The following PTDSS2 variants were observed in gnomAD, a reference collection of about 807,000 sequenced individuals.
PTDSS2 encodes phosphatidylserine synthase 2.
Under a neutral mutation model 64.7 loss-of-function variants are expected in PTDSS2, and 41 were observed. That is an observed-to-expected ratio of 0.63 (90% CI 0.49 to 0.82). PTDSS2 has a LOEUF of 0.82. Ranked by LOEUF, PTDSS2 falls within the 40% of genes least tolerant of loss-of-function variation. The pLI is 0.00. For missense variants in PTDSS2, 485 were observed against 650.0 expected, an observed-to-expected ratio of 0.75 and a Z score of 2.76; for synonymous variants, 297 against 277.8, an observed-to-expected ratio of 1.07 and a Z score of -0.69.
rs149316958 is a variant in PTDSS2, at chr11:490,811, C to CGTGTGTGTACGCGTGTGTACGT, written c.*230_*231insTGTGTGTACGCGTGTGTACGTG. ...ATGCGTGTGTGTACGCGTGTGTACGCGCGTGTGTACACATGCGTGGCCGCC... is the reference window on the plus strand; with the variant it reads ...ATGCGTGTGTGTACGCGTGTGTACGCGTGTGTGTACGCGTGTGTACGTGCGTGTGTACACATGCGTGGCCGCC... On this transcript the variant is annotated 3_prime_UTR_variant, in exon 12 of 12. Coordinates refer to ENST00000308020, the MANE Select transcript of PTDSS2 (RefSeq NM_030783.3). 2,237 of 582,090 alleles carry CGTGTGTGTACGCGTGTGTACGT rather than the reference C, an allele frequency of 3.8e-3. 67 individuals are homozygous for CGTGTGTGTACGCGTGTGTACGT. Among genetic ancestry groups the CGTGTGTGTACGCGTGTGTACGT allele is most frequent in the African/African-American group, 0.038 (2,038 of 53,514 alleles). The allele number at this position is 582,090 out of a possible 1,614,324, so 36.1% of individuals were successfully genotyped here.
chr11:460,497 C>T lies in PTDSS2; in HGVS notation c.284+209C>T. 1.8e-6 allele frequency: 1 copy of T among 549,740 alleles called. No individual in the cohort carries two copies. The highest frequency in any genetic ancestry group is 3.0e-5 in the East Asian group (1 of 33,376). The allele number at this position is 549,740 out of a possible 1,614,324, so 34.1% of individuals were successfully genotyped here. A position where few individuals can be genotyped will look rare whatever the true frequency, so the allele number is the denominator to read the frequency against. On this transcript the variant is annotated intron_variant, in intron 2 of 11. Coordinates refer to ENST00000308020, the MANE Select transcript of PTDSS2 (RefSeq NM_030783.3). The surrounding 1 kb of genome is among the most constrained non-coding windows in gnomAD (Gnocchi z 5.8). ...GGCGTTCCCGGTCAGCCCCCGTCGC[C>T]TGTCACTGGGAGCCAGGAGTCTGTG... is the stretch of plus-strand genomic sequence containing the variant.
chr11:487,330 A>C (rs1012441411), intron 5 of PTDSS2, 90 bp from the exon 6 acceptor site: 1 of 1,245,282 alleles, frequency 8.0e-7, no homozygotes, highest in Non-Finnish European at 1.2e-6. Context: ...GGGGTCTGGC[A>C]GGTGCTGCTC....
At position 476,146 on chromosome 11, in the gene PTDSS2, C is replaced by T. The variant is rs1180117300; in HGVS notation, c.367+2169C>T. The stretch of plus-strand genomic sequence containing the variant: ...TGCCCAGGGCCTTGAGAGAGGGCTC[C>T]TTGAGTGCCTGGCAGGCCACTCTGC... On this transcript the variant is annotated intron_variant, in intron 3 of 11. Coordinates refer to ENST00000308020, the MANE Select transcript of PTDSS2 (RefSeq NM_030783.3). The surrounding 1 kb of genome is among the most constrained non-coding windows in gnomAD (Gnocchi z 4.9). Among the ~76,000 whole-genome samples, 1 of 152,136 alleles carries T rather than the reference C, an allele frequency of 6.6e-6. No homozygotes were observed. The highest frequency in any genetic ancestry group is 1.5e-5 in the Non-Finnish European group (1 of 68,018).
At chr11:487,318 C>T in intron 5 of PTDSS2, 102 bp from the exon 6 acceptor site, 2 of 1,177,772 alleles carry the variant, frequency 1.7e-6, no homozygotes, top group Non-Finnish European at 2.5e-6. Flanking sequence ...GGCCTTCTTC[C>T]CGGGGTCTGG....
At position 460,196 on chromosome 11, in the gene PTDSS2, C is replaced by T. The variant is rs755948312; in HGVS notation, c.192C>T (p.His64=). The T allele has an allele frequency of 6.2e-7, 1 of 1,614,152 alleles. No individual in the cohort carries two copies. Among genetic ancestry groups the T allele is most frequent in the Non-Finnish European group, 8.5e-7 (1 of 1,179,984 alleles). The change falls in exon 2 of 12, where the codon CAC becomes CAT. Residue 64 remains histidine (H), a synonymous_variant. Coordinates refer to ENST00000308020, the MANE Select transcript of PTDSS2 (RefSeq NM_030783.3). The surrounding 1 kb of genome is among the most constrained non-coding windows in gnomAD (Gnocchi z 5.8). The part of the protein sequence containing the change: ...DGTNTFFWRA[H]TLTVLFILTC... Reference sequence around the variant, plus strand: ...CGTTTTTGGATTTCAGGCGAGCCCACACCTTAACCGTGCTCTTCATCCTCA... The same window carrying T: ...CGTTTTTGGATTTCAGGCGAGCCCATACCTTAACCGTGCTCTTCATCCTCA...
intron 1 of PTDSS2, chr11:451,445 C>G (rs1846324309): frequency 2.3e-6 from 1 of 441,354 alleles, no homozygotes; most frequent in Non-Finnish European, 4.6e-6. Flanking sequence ...AGCCGTCGAC[C>G]TGAAAGCAGG....
At chr11:489,849 G>T (rs994295854) in intron 10 of PTDSS2, 34 bp from the exon 11 acceptor site, 36 of 1,551,966 alleles carry the variant, frequency 2.3e-5, no homozygotes, top group Non-Finnish European at 3.1e-5. Flanking sequence ...ACCCTGCGGG[G>T]CCCGGGACGC....
chr11:478,876 T>C (rs1215968866), intron 3 of PTDSS2, among the ~76,000 whole-genome samples: 1 of 152,220 alleles, frequency 6.6e-6, no homozygotes, highest in Non-Finnish European at 1.5e-5. Flanking sequence ...AGTACTGGAA[T>C]GGAAAAAATG....
intron 4 of PTDSS2, chr11:480,083 GA>G (rs879585005): frequency 1.3e-5 from 2 of 153,266 alleles, no homozygotes; most frequent in African/African-American, 2.4e-5. Context: ...ACCCGGCCCT[GA>G]CCCCTGACAG....
At chr11:485,642 CGT>C (rs1277467973) in intron 4 of PTDSS2, among the ~76,000 whole-genome samples, 4 of 137,600 alleles carry the variant, frequency 2.9e-5, no homozygotes, top group East Asian at 2.3e-4. Flanking sequence ...TGCACGGGCG[CGT>C]GTGTGCTCAC....
At chr11:456,082 C>T (rs1007801644) in intron 1 of PTDSS2, among the ~76,000 whole-genome samples, 12 of 152,196 alleles carry the variant, frequency 7.9e-5, no homozygotes, top group Non-Finnish European at 5.9e-5. Context: ...CCAGAGCCAC[C>T]GCGCTCCTGG....
chr11:473,495 G>C (rs1847576304), intron 2 of PTDSS2, among the ~76,000 whole-genome samples: 1 of 152,136 alleles, frequency 6.6e-6, no homozygotes, highest in Non-Finnish European at 1.5e-5. Flanking sequence ...TGTGACACTG[G>C]GAACCACCAG....
At chr11:485,954 T>C (rs1389659462) in intron 4 of PTDSS2, among the ~76,000 whole-genome samples, 2 of 112,136 alleles carry the variant, frequency 1.8e-5, no homozygotes, top group Non-Finnish European at 3.5e-5. Context: ...GCGTAAACAG[T>C]GCACGGGCGC....
chr11:457,564 A>G (rs1251147430), intron 1 of PTDSS2, among the ~76,000 whole-genome samples: 1 of 152,168 alleles, frequency 6.6e-6, no homozygotes, highest in Non-Finnish European at 1.5e-5. Flanking sequence ...ATCCACGTTG[A>G]GGTCGTTGCC....
At position 473,976 on chromosome 11, in the gene PTDSS2, A is replaced by G. The variant is rs1407655988; in HGVS notation, c.366A>G (p.Pro122=). ...AKDGPFSRPH[P]AYWRFWLCVS... is the part of the protein sequence containing the mutation. ...ACGGGCCATTTTCCAGACCTCATCCAGGTAACTTGCCATTTCCTTTTCCGT... is the reference window on the plus strand; with the variant it reads ...ACGGGCCATTTTCCAGACCTCATCCGGGTAACTTGCCATTTCCTTTTCCGT... Residue 122 remains proline (P), a splice_region_variant and synonymous_variant, in exon 3 of 12, where the codon CCA becomes CCG. Transcript: ENST00000308020. 19 of 1,613,160 alleles carry G rather than the reference A, an allele frequency of 1.2e-5. No homozygotes were observed. The highest frequency in any genetic ancestry group is 1.5e-5 in the Non-Finnish European group (18 of 1,179,084).
In PTDSS2 at chr11:460,373, G is replaced by A; in HGVS notation, c.284+85G>A. Reference sequence around the variant, plus strand: ...GCACCCTTACTGCTCGGGCTGCCGGGGGCTCAGAAGGCCTTCACCAGAGGG... The same window carrying A: ...GCACCCTTACTGCTCGGGCTGCCGGAGGCTCAGAAGGCCTTCACCAGAGGG... On this transcript the variant is annotated intron_variant, in intron 2 of 11. Coordinates refer to ENST00000308020, the MANE Select transcript of PTDSS2 (RefSeq NM_030783.3). This position sits in a 1 kb window ranked among gnomAD's most constrained non-coding sequence, Gnocchi z 5.8. 4 of 1,116,026 alleles carry A rather than the reference G, an allele frequency of 3.6e-6. No homozygotes were observed. The highest frequency in any genetic ancestry group is 2.5e-5 in the East Asian group (1 of 39,516). The allele number at this position is 1,116,026 out of a possible 1,614,324, so 69.1% of individuals were successfully genotyped here. A position where few individuals can be genotyped will look rare whatever the true frequency, so the allele number is the denominator to read the frequency against.
chr11:490,663 C>T lies in PTDSS2; in HGVS notation c.*81C>T, dbSNP rs1039186841. On this transcript the variant is annotated 3_prime_UTR_variant, in exon 12 of 12. Transcript: ENST00000308020. ...CCTGTGTGAGTCCCACCAGGAGCCA[C>T]GTGCCCGGCCTTGCCCTCAAGGTTT... 13 of 1,403,368 alleles carry T rather than the reference C, an allele frequency of 9.3e-6. No individual in the cohort carries two copies. The highest frequency in any genetic ancestry group is 1.1e-5 in the Non-Finnish European group (12 of 1,046,736). The allele number at this position is 1,403,368 out of a possible 1,614,324, so 86.9% of individuals were successfully genotyped here.
rs376887147 is a variant in PTDSS2, at chr11:490,048, C to T, written c.1281C>T (p.Thr427=). 1.1e-5 allele frequency: 18 copies of T among 1,608,674 alleles called. No individual in the cohort carries two copies. Among genetic ancestry groups the T allele is most frequent in the African/African-American group, 1.1e-4 (8 of 74,934 alleles). Residue 427 remains threonine, a synonymous_variant, in exon 11 of 12, where the codon ACC becomes ACT. Transcript: ENST00000308020. ...GCTCCGTCCTGGCGCTCACCTGGAC[C>T]GTCTGGCGCTTCTTCCTGCGGTGAG... ...TLGSVLALTW[T]VWRFFLRDIT...
chr11:476,760 T>C lies in PTDSS2; in HGVS notation c.368-2325T>C, dbSNP rs1360070436. On this transcript the variant is annotated intron_variant, in intron 3 of 11. Coordinates refer to ENST00000308020, the MANE Select transcript of PTDSS2 (RefSeq NM_030783.3). The surrounding 1 kb of genome is among the most constrained non-coding windows in gnomAD (Gnocchi z 4.9). ...TGAGTTGTGGCTCGTCCCCTCCCAC[T>C]GGGCAGGACTGGGGGTTCCTGGGGT... Among the ~76,000 whole-genome samples, 1 of 152,142 alleles carries C rather than the reference T, an allele frequency of 6.6e-6. No homozygotes were observed. Among genetic ancestry groups the C allele is most frequent in the African/African-American group, 2.4e-5 (1 of 41,444 alleles).
Sources: allele counts gnomAD v4.1 joint callset (sites outside exome capture counted in the v4.1 genomes callset), GRCh38; gene constraint gnomAD v4.1.1; non-coding constraint Gnocchi (gnomAD v3.1); transcripts MANE v1.5; gene names NCBI Gene and HGNC (gene_info 2026-07-23, HGNC 2026-07-21).